TXNL4A: variants seen among roughly 807,000 people sequenced by gnomAD.
TXNL4A encodes the protein thioredoxin like 4A.
Under a neutral mutation model 14.6 loss-of-function variants are expected in TXNL4A, and 17 were observed. The observed-to-expected ratio is 1.16, with a 90% CI of 0.80 to 1.74. The LOEUF is 1.74. Ranked by LOEUF, TXNL4A falls within the 40% of genes most tolerant of loss-of-function variation. TXNL4A has a pLI of 0.00. For synonymous variants in TXNL4A, 83 were observed against 70.6 expected (o/e 1.18, Z -0.88); for missense variants, 74 against 195.2 (o/e 0.38, Z 3.70).
chr18:80,024,170 G>A (rs1333532393), intron 1 of TXNL4A, among the ~76,000 whole-genome samples: 1 of 150,650 alleles, frequency 6.6e-6, no homozygotes, highest in Non-Finnish European at 1.5e-5. Flanking sequence ...GGGGGGGTCT[G>A]AGGTTTATTC....
At chr18:79,980,828 C>T (rs1286165978) in intron 1 of TXNL4A, among the ~76,000 whole-genome samples, 1 of 152,154 alleles carries the variant, frequency 6.6e-6, no homozygotes, top group African/African-American at 2.4e-5. Context: ...GCACACGGCC[C>T]ACTGCAGGGG....
chr18:80,007,567 G>A (rs553486147), intron 1 of TXNL4A, among the ~76,000 whole-genome samples: 7 of 152,090 alleles, frequency 4.6e-5, no homozygotes, highest in East Asian at 1.9e-4. Flanking sequence ...GCCTGGCGCT[G>A]GGCTGCCTGT....
intron 1 of TXNL4A, among the ~76,000 whole-genome samples, chr18:79,987,640 A>T (rs2051572857): frequency 6.6e-6 from 1 of 152,204 alleles, no homozygotes; most frequent in African/African-American, 2.4e-5. Context: ...TCAGCAAGTA[A>T]ATGCCAAGAC....
chr18:80,010,565 C>T (rs566826923), intron 1 of TXNL4A, among the ~76,000 whole-genome samples: 2 of 152,284 alleles, frequency 1.3e-5, no homozygotes, highest in South Asian at 4.1e-4. Flanking sequence ...CCACTGAAGC[C>T]CACTGTGCCC....
intron 1 of TXNL4A, among the ~76,000 whole-genome samples, chr18:80,006,168 G>A (rs746867272): frequency 3.9e-5 from 6 of 151,902 alleles, no homozygotes; most frequent in Admixed American, 6.6e-5. Flanking sequence ...GGCGGATCAC[G>A]AGGTCAGGAG....
In TXNL4A at chr18:80,006,248, G is replaced by T. The variant is rs574579268; in HGVS notation, c.-61+27603C>A. Among the ~76,000 whole-genome samples, 4 of 152,110 alleles carry T rather than the reference G, an allele frequency of 2.6e-5. No homozygotes were observed. The South Asian group carries it at 8.3e-4, about 32-fold the overall frequency. On this transcript the variant is annotated intron_variant, in intron 1 of 2. Coordinates refer to the TXNL4A transcript ENST00000585474. ...AAAATACGAAAATTAGCCGGGTGTG[G>T]TGGCATGCGCCTGTAGTCCCAGCTA... is the stretch of plus-strand genomic sequence containing the variant.
intron 1 of TXNL4A, among the ~76,000 whole-genome samples, chr18:80,021,920 T>C (rs1011286180): frequency 6.6e-6 from 1 of 152,050 alleles, no homozygotes; most frequent in Non-Finnish European, 1.5e-5. Flanking sequence ...TTAACATTGG[T>C]TTTTAATAAG....
intron 2 of TXNL4A, among the ~76,000 whole-genome samples, chr18:79,974,919 G>A (rs550225852): frequency 6.6e-6 from 1 of 152,280 alleles, no homozygotes; most frequent in African/African-American, 2.4e-5. Context: ...ACTTCCACAA[G>A]ATCATGCATT....
At chr18:80,005,541 T>C (rs907488499) in intron 1 of TXNL4A, among the ~76,000 whole-genome samples, 2 of 152,234 alleles carry the variant, frequency 1.3e-5, no homozygotes, top group African/African-American at 4.8e-5. Context: ...AGAATCCTAC[T>C]GGATAAATGA....
At chr18:80,028,376 G>T (rs2051898979) in intron 1 of TXNL4A, among the ~76,000 whole-genome samples, 1 of 149,808 alleles carries the variant, frequency 6.7e-6, no homozygotes, top group South Asian at 2.2e-4. Flanking sequence ...CAACCGGTCA[G>T]CCTCTTATCA....
upstream of TXNL4A, among the ~76,000 whole-genome samples, chr18:79,990,379 T>C (rs1319933357): frequency 1.3e-5 from 2 of 152,230 alleles, no homozygotes; most frequent in East Asian, 3.8e-4. Context: ...AGGGTTTTAG[T>C]TACATAAAGG....
At chr18:80,023,269 GTTTT>G (rs1262314674) in intron 1 of TXNL4A, among the ~76,000 whole-genome samples, 1 of 152,292 alleles carries the variant, frequency 6.6e-6, no homozygotes, top group Admixed American at 6.5e-5. Flanking sequence ...TGAAAGTGGA[GTTTT>G]TTTGTTTACA....
intron 1 of TXNL4A, among the ~76,000 whole-genome samples, chr18:80,023,847 C>G (rs1369908461): frequency 6.6e-6 from 1 of 152,208 alleles, no homozygotes; most frequent in Non-Finnish European, 1.5e-5. Context: ...TTCTCAATAT[C>G]CCACCCTTTC....
At chr18:79,975,878 T>C (rs2051372026) in intron 2 of TXNL4A, among the ~76,000 whole-genome samples, 1 of 152,136 alleles carries the variant, frequency 6.6e-6, no homozygotes, top group Admixed American at 6.5e-5. Flanking sequence ...GTAAGAACTG[T>C]TAACAAAAGG....
At chr18:80,002,910 G>A (rs555013273) in intron 1 of TXNL4A, among the ~76,000 whole-genome samples, 15 of 152,308 alleles carry the variant, frequency 9.8e-5, no homozygotes, top group African/African-American at 2.2e-4. Context: ...CACAGGCATC[G>A]GTAGACCCTC....
chr18:80,031,647 T>C (rs34822641), intron 1 of TXNL4A, among the ~76,000 whole-genome samples: 48,106 of 152,150 alleles, frequency 0.32, 8,227 homozygotes, highest in South Asian at 0.48. Flanking sequence ...CTACATGAGT[T>C]ACCTCTTTGC....
chr18:79,980,121 G>A (rs929164475), intron 1 of TXNL4A, among the ~76,000 whole-genome samples: 13 of 152,290 alleles, frequency 8.5e-5, no homozygotes, highest in African/African-American at 3.1e-4. Flanking sequence ...GGAGGCTCTG[G>A]GGGCATCGAG....
chr18:80,001,591 G>A (rs866668458), intron 1 of TXNL4A, among the ~76,000 whole-genome samples: 15 of 152,208 alleles, frequency 9.9e-5, no homozygotes, highest in South Asian at 2.1e-4. Context: ...CAAGGCCATG[G>A]AAACCCACCT....
intron 1 of TXNL4A, among the ~76,000 whole-genome samples, chr18:80,013,329 A>G (rs2051784789): frequency 6.6e-6 from 1 of 151,142 alleles, no homozygotes; most frequent in South Asian, 2.1e-4. Context: ...TCACCATGTT[A>G]ACCAGGATGC....
Sources: allele counts gnomAD v4.1 joint callset (sites outside exome capture counted in the v4.1 genomes callset), GRCh38; gene constraint gnomAD v4.1.1; transcripts MANE v1.5; gene names NCBI Gene and HGNC (gene_info 2026-07-23, HGNC 2026-07-21).